The following PCDHGA9 variants were observed in gnomAD, a reference collection of about 807,000 sequenced individuals.
The protein encoded by PCDHGA9 is protocadherin gamma subfamily A, 9.
A neutral mutation model predicts 62.5 loss-of-function variants in PCDHGA9; 37 were observed. The observed-to-expected ratio is 0.59, with a 90% CI of 0.46 to 0.78. The LOEUF is 0.78. Among genes scored for constraint, PCDHGA9 ranks in the 30% least tolerant of loss-of-function variants. The probability of loss-of-function intolerance (pLI) is 0.00; values close to 1 mark genes in which losing one functional copy is unlikely to be tolerated. For synonymous variants in PCDHGA9, 459 were observed against 484.6 expected (o/e 0.95, Z 0.69); for missense variants, 1,138 against 1,166.2 (o/e 0.98, Z 0.35).
chr5:141,418,767 C>T (rs770275597), intron 1 of PCDHGA9: 1 of 1,613,850 alleles, frequency 6.2e-7, no homozygotes, highest in Non-Finnish European at 8.5e-7. Flanking sequence ...AACATTCTAA[C>T]TCAGCAGCCT....
At chr5:141,459,775 T>C (rs377188083) in intron 1 of PCDHGA9, among the ~76,000 whole-genome samples, 8 of 152,362 alleles carry the variant, frequency 5.3e-5, no homozygotes, top group African/African-American at 1.4e-4. Flanking sequence ...TACTATCTCA[T>C]TGAAGTTTCA....
At chr5:141,442,033 G>T (rs2098292928) in intron 1 of PCDHGA9, 1 of 209,534 alleles carries the variant, frequency 4.8e-6, no homozygotes, top group Non-Finnish European at 9.8e-6. Context: ...AAAGCGACTC[G>T]CCAGCGCCTA....
At chr5:141,415,739 GGTTTTTTTT>G in intron 1 of PCDHGA9, 5 of 434,942 alleles carry the variant, frequency 1.1e-5, no homozygotes, top group African/African-American at 9.8e-5. Context: ...TGTTTATTAA[GGTTTTTTTT>G]TTTTTTTTTT....
intron 1 of PCDHGA9, among the ~76,000 whole-genome samples, chr5:141,443,202 C>T (rs546748238): frequency 2.6e-5 from 4 of 152,172 alleles, no homozygotes; most frequent in Non-Finnish European, 1.5e-5. Flanking sequence ...GTACAAAGAG[C>T]TTGTCTCGCC....
chr5:141,428,729 ATAT>A (rs2097158318), intron 1 of PCDHGA9: 2 of 159,768 alleles, frequency 1.3e-5, no homozygotes. Flanking sequence ...AATCTTAAAC[ATAT>A]TATATCTACT....
In PCDHGA9 at chr5:141,476,824, C is replaced by A; in HGVS notation, c.2425-17983C>A. On this transcript the variant is annotated intron_variant, in intron 1 of 3. Coordinates refer to ENST00000573521, the MANE Select transcript of PCDHGA9 (RefSeq NM_018921.3). This position sits in a 1 kb window ranked among gnomAD's most constrained non-coding sequence, Gnocchi z 7.6. Reference sequence around the variant, plus strand: ...TGCCTATTCACATCAAGGTGCTGGACGCGAATGACAATGCGCCTGTCTTCA... The same window carrying A: ...TGCCTATTCACATCAAGGTGCTGGAAGCGAATGACAATGCGCCTGTCTTCA... The A allele has an allele frequency of 1.2e-6, 2 of 1,613,588 alleles. No individual in the cohort carries two copies. The highest frequency in any genetic ancestry group is 1.7e-6 in the Non-Finnish European group (2 of 1,180,036).
chr5:141,427,229 G>A (rs1377470019), intron 1 of PCDHGA9: 3 of 456,628 alleles, frequency 6.6e-6, no homozygotes, highest in Non-Finnish European at 1.3e-5. Context: ...GTTATACCAT[G>A]AGAGTAGAAG....
intron 1 of PCDHGA9, among the ~76,000 whole-genome samples, chr5:141,462,361 T>C (rs1354253099): frequency 6.6e-6 from 1 of 152,282 alleles, no homozygotes; most frequent in Non-Finnish European, 1.5e-5. Flanking sequence ...ATACATTGTA[T>C]AGTTTCTATT....
At chr5:141,479,975 C>A (rs1459297521) in intron 1 of PCDHGA9, among the ~76,000 whole-genome samples, 1 of 152,186 alleles carries the variant, frequency 6.6e-6, no homozygotes, top group East Asian at 1.9e-4. Context: ...TGAGGTTCTA[C>A]CATTTACCAA....
intron 1 of PCDHGA9, among the ~76,000 whole-genome samples, chr5:141,444,058 C>A (rs2154560450): frequency 6.8e-6 from 1 of 147,774 alleles, no homozygotes; most frequent in East Asian, 2.0e-4. Context: ...CATCTTCAAT[C>A]TAGATTCTGA....
intron 2 of PCDHGA9, among the ~76,000 whole-genome samples, chr5:141,504,351 G>C (rs77439649): frequency 0.021 from 3,233 of 152,120 alleles, 109 homozygotes; most frequent in African/African-American, 0.075. Context: ...CTTTGTGCTA[G>C]GTGCTTCAGT....
intron 1 of PCDHGA9, chr5:141,413,717 A>C: frequency 6.2e-7 from 1 of 1,613,382 alleles, no homozygotes; most frequent in Non-Finnish European, 8.5e-7. Flanking sequence ...CCCAATAAGC[A>C]CTTCTCCCTA....
In PCDHGA9 at chr5:141,485,076, G is replaced by A; in HGVS notation, c.2425-9731G>A. 2.1e-6 allele frequency: 2 copies of A among 944,586 alleles called. No homozygotes were observed. Among genetic ancestry groups the A allele is most frequent in the East Asian group, 2.4e-5 (1 of 41,508 alleles). The allele number at this position is 944,586 out of a possible 1,614,324, so 58.5% of individuals were successfully genotyped here. ...CCGAACCGCGCCAGAGCTGGCGCGG[G>A]GAAAGGGAGATAGGTGTCTCCAGCT... On this transcript the variant is annotated intron_variant, in intron 1 of 3. Coordinates refer to ENST00000573521, the MANE Select transcript of PCDHGA9 (RefSeq NM_018921.3). This position sits in a 1 kb window ranked among gnomAD's most constrained non-coding sequence, Gnocchi z 5.7.
intron 1 of PCDHGA9, chr5:141,427,050 G>A (rs974721070): frequency 4.4e-6 from 2 of 457,372 alleles, no homozygotes; most frequent in Non-Finnish European, 4.4e-6. Flanking sequence ...TGTGCCCCCA[G>A]GCACCTCTGT....
At chr5:141,413,677 G>C (rs539552615) in intron 1 of PCDHGA9, 1 of 1,613,794 alleles carries the variant, frequency 6.2e-7, no homozygotes, top group South Asian at 1.1e-5. Context: ...GGATGTGGGC[G>C]TGAACTCCCT....
rs770930842 is a variant in PCDHGA9 at position 141,432,673 on chromosome 5, C to G, written c.2424+27297C>G. 10 of 1,613,804 alleles carry G rather than the reference C, an allele frequency of 6.2e-6. No homozygotes were observed. The East Asian group carries it at 1.3e-4, about 22-fold the overall frequency. ...GAGCCCTGCTGGACAGAGACGCGCT[C>G]AAGCAGAGCCTCGTAGTGGCCGTCC... is the stretch of plus-strand genomic sequence containing the variant. On this transcript the variant is annotated intron_variant, in intron 1 of 3. Transcript: ENST00000573521. The surrounding 1 kb of genome is among the most constrained non-coding windows in gnomAD (Gnocchi z 6.0).
chr5:141,481,691 C>G (rs929210528), intron 1 of PCDHGA9, among the ~76,000 whole-genome samples: 3 of 152,080 alleles, frequency 2.0e-5, no homozygotes, highest in African/African-American at 4.8e-5. Context: ...TGGTGGCTCA[C>G]GCCTGTAATC....
intron 1 of PCDHGA9, chr5:141,426,513 C>G (rs780618436): frequency 2.3e-5 from 8 of 341,028 alleles, no homozygotes; most frequent in African/African-American, 4.3e-5. Flanking sequence ...AATACTTTAC[C>G]GTGAACACGG....
intron 1 of PCDHGA9, chr5:141,421,703 G>A: frequency 1.2e-6 from 2 of 1,613,946 alleles, no homozygotes; most frequent in Middle Eastern, 1.6e-4. Context: ...CCTAATGCTA[G>A]GGATCCAGAT....
Sources: gnomAD v4.1 joint callset for allele counts (sites outside exome capture counted in the v4.1 genomes callset) on GRCh38, gnomAD v4.1.1 for gene constraint, Gnocchi (gnomAD v3.1) non-coding constraint, MANE v1.5 for transcripts, NCBI Gene and HGNC (gene_info 2026-07-23, HGNC 2026-07-21) for gene names.